CTNND2: variants seen among roughly 807,000 people sequenced by gnomAD.
The protein encoded by CTNND2 is catenin delta-2.
In CTNND2, 22 loss-of-function variants were observed where a neutral mutation model predicts 144.4. The ratio of observed to expected loss-of-function variants is 0.15; its 90% CI spans 0.11 to 0.22. The LOEUF (loss-of-function observed/expected upper bound fraction) is 0.22, where lower values mean the gene tolerates loss of function less well. CTNND2 is among the 10% of genes least tolerant of loss of function. The pLI, the probability that CTNND2 is intolerant of heterozygous loss-of-function variation, is 1.00. For missense variants in CTNND2, 1,353 were observed against 1,618.8 expected, an observed-to-expected ratio of 0.84 and a Z score of 2.82; for synonymous variants, 751 against 695.6, an observed-to-expected ratio of 1.08 and a Z score of -1.25.
Position 11,287,999 on chromosome 5 carries a change from T to C in CTNND2, c.1629-51176A>G, listed in dbSNP as rs540958227. Among the ~76,000 whole-genome samples the C allele has an allele frequency of 4.6e-5, 7 of 152,362 alleles. No individual in the cohort carries two copies. In the South Asian group the frequency reaches 1.0e-3, roughly 23 times the overall value. On this transcript the variant is annotated intron_variant, in intron 9 of 21. Transcript: ENST00000304623. ...TTCTTATGTGTATTATAATTTACAATGTGTTTTTCTATTATGAATTAGGGG... is the reference window on the plus strand; with the variant it reads ...TTCTTATGTGTATTATAATTTACAACGTGTTTTTCTATTATGAATTAGGGG...
intron 3 of CTNND2, among the ~76,000 whole-genome samples, chr5:11,497,589 T>G (rs61757512): frequency 0.024 from 3,416 of 143,206 alleles, 155 homozygotes; most frequent in African/African-American, 0.084. Flanking sequence ...TACTGAAATA[T>G]CTGCTGGGGA....
intron 2 of CTNND2, among the ~76,000 whole-genome samples, chr5:11,666,106 C>A (rs1783558218): frequency 6.6e-6 from 1 of 152,154 alleles, no homozygotes; most frequent in South Asian, 2.1e-4. Flanking sequence ...AGCCCCAAAC[C>A]TAACATTCAG....
intron 1 of CTNND2, among the ~76,000 whole-genome samples, chr5:11,901,477 G>A (rs1353445060): frequency 6.6e-6 from 1 of 152,180 alleles, no homozygotes; most frequent in Non-Finnish European, 1.5e-5. Flanking sequence ...CAATTTCACT[G>A]GGAGAAAGAA....
Position 11,130,448 on chromosome 5 carries a change from C to T in CTNND2, c.2160-12881G>A, listed in dbSNP as rs147637588. Among the ~76,000 whole-genome samples, 51 of 152,294 alleles carry T rather than the reference C, an allele frequency of 3.3e-4. 1 individual carries two copies. In the East Asian group the frequency reaches 8.3e-3, roughly 25 times the overall value. ...AGAAATACCTGAATTAAAAGACACCCTCTTGCTGTCAAGTACTACCTAGGG... is the reference window on the plus strand; with the variant it reads ...AGAAATACCTGAATTAAAAGACACCTTCTTGCTGTCAAGTACTACCTAGGG... On this transcript the variant is annotated intron_variant, in intron 12 of 21. Coordinates refer to ENST00000304623, the MANE Select transcript of CTNND2 (RefSeq NM_001332.4).
chr5:11,433,777 A>G (rs540694650), intron 3 of CTNND2, among the ~76,000 whole-genome samples: 1 of 152,212 alleles, frequency 6.6e-6, no homozygotes, highest in East Asian at 1.9e-4. Context: ...ACCAGACCCC[A>G]CCTCCTGCAT....
chr5:11,837,418 A>G (rs1561846260), intron 1 of CTNND2, among the ~76,000 whole-genome samples: 1 of 152,234 alleles, frequency 6.6e-6, no homozygotes, highest in Non-Finnish European at 1.5e-5. Context: ...TAAATTGTAA[A>G]TATACAATGG....
intron 2 of CTNND2, among the ~76,000 whole-genome samples, chr5:11,598,108 T>C (rs1002576071): frequency 1.4e-4 from 22 of 152,278 alleles, no homozygotes; most frequent in Non-Finnish European, 2.9e-4. Context: ...CAAGTTATTA[T>C]TATCTCATTT....
intron 14 of CTNND2, among the ~76,000 whole-genome samples, chr5:11,101,700 T>C (rs143674471): frequency 3.3e-5 from 5 of 152,332 alleles, no homozygotes; most frequent in African/African-American, 1.2e-4. Context: ...CTTGAGAACC[T>C]ACTACCAAAA....
chr5:11,332,118 A>G (rs531191019), intron 9 of CTNND2, among the ~76,000 whole-genome samples: 6 of 152,092 alleles, frequency 3.9e-5, no homozygotes, highest in African/African-American at 1.4e-4. Context: ...CCTACTAAAA[A>G]TACAAAATTA....
intron 1 of CTNND2, among the ~76,000 whole-genome samples, chr5:11,788,412 C>A (rs975229120): frequency 3.3e-5 from 5 of 152,082 alleles, no homozygotes; most frequent in African/African-American, 7.2e-5. Flanking sequence ...ATATTTAGGG[C>A]CTTTAATCAA....
At chr5:11,392,187 G>A (rs1759693521) in intron 6 of CTNND2, among the ~76,000 whole-genome samples, 1 of 152,128 alleles carries the variant, frequency 6.6e-6, no homozygotes, top group African/African-American at 2.4e-5. Flanking sequence ...GTGCAAACAT[G>A]GTGACGTAGA....
chr5:11,859,625 T>G (rs141668798), intron 1 of CTNND2, among the ~76,000 whole-genome samples: 50 of 152,226 alleles, frequency 3.3e-4, no homozygotes, highest in African/African-American at 1.1e-3. Context: ...CACAGAACAA[T>G]CTCCTATTCT....
At chr5:11,461,681 T>C (rs1766239280) in intron 3 of CTNND2, among the ~76,000 whole-genome samples, 1 of 152,158 alleles carries the variant, frequency 6.6e-6, no homozygotes, top group Non-Finnish European at 1.5e-5. Context: ...CTGGAATGGA[T>C]TTTAGGCATC....
chr5:11,778,046 A>T (rs1326762839), intron 1 of CTNND2, among the ~76,000 whole-genome samples: 5 of 152,122 alleles, frequency 3.3e-5, no homozygotes, highest in Non-Finnish European at 5.9e-5. Flanking sequence ...TTAATTTTAG[A>T]ATCAAAATTT....
chr5:11,669,708 CATTG>C (rs1783770285), intron 2 of CTNND2, among the ~76,000 whole-genome samples: 1 of 151,844 alleles, frequency 6.6e-6, no homozygotes, highest in Admixed American at 6.6e-5. Context: ...CTGCTGGATT[CATTG>C]ATTTTTTTTT....
intron 9 of CTNND2, among the ~76,000 whole-genome samples, chr5:11,335,027 C>G (rs1044950651): frequency 2.6e-5 from 4 of 152,170 alleles, no homozygotes; most frequent in Admixed American, 6.6e-5. Flanking sequence ...GTATCTTCTT[C>G]TCTTTCTTAC....
At chr5:11,287,705 G>A (rs533506986) in intron 9 of CTNND2, among the ~76,000 whole-genome samples, 49 of 152,308 alleles carry the variant, frequency 3.2e-4, no homozygotes, top group Non-Finnish European at 6.0e-4. Context: ...AAGAAGTGCA[G>A]GGGACAGGCT....
chr5:11,338,134 G>A (rs1212888818), intron 9 of CTNND2, among the ~76,000 whole-genome samples: 1 of 152,154 alleles, frequency 6.6e-6, no homozygotes, highest in African/African-American at 2.4e-5. Context: ...GGTAGGGAGT[G>A]AACAAGGTGT....
chr5:11,847,558 T>A (rs2085665649), intron 1 of CTNND2, among the ~76,000 whole-genome samples: 1 of 152,050 alleles, frequency 6.6e-6, no homozygotes, highest in Admixed American at 6.6e-5. Context: ...AGTGTTGTGT[T>A]CTGTTGCACA....
Sources: allele counts gnomAD v4.1 joint callset (sites outside exome capture counted in the v4.1 genomes callset), GRCh38; gene constraint gnomAD v4.1.1; transcripts MANE v1.5; gene names NCBI Gene and HGNC (gene_info 2026-07-23, HGNC 2026-07-21).